The following PHF21A variants were observed in gnomAD, a reference collection of about 807,000 sequenced individuals.
PHF21A encodes the protein PHD finger protein 21A.
PHF21A carries 11 observed loss-of-function variants against 82.5 expected under a neutral mutation model. That is an observed-to-expected ratio of 0.13 (90% CI 0.08 to 0.22). The LOEUF (loss-of-function observed/expected upper bound fraction) is 0.22. Among genes scored for constraint, PHF21A ranks in the 10% least tolerant of loss-of-function variants. The pLI, the probability that PHF21A is intolerant of heterozygous loss-of-function variation, is 1.00. For missense variants in PHF21A, 579 were observed against 837.8 expected, an observed-to-expected ratio of 0.69 and a Z score of 3.81; for synonymous variants, 297 against 302.8, an observed-to-expected ratio of 0.98 and a Z score of 0.20.
At chr11:45,981,700 G>A (rs890260559) in intron 6 of PHF21A, among the ~76,000 whole-genome samples, 2 of 151,998 alleles carry the variant, frequency 1.3e-5, no homozygotes, top group African/African-American at 4.8e-5. Flanking sequence ...TGAATGAAGA[G>A]CTTTAAATAG....
chr11:45,996,247 T>C (rs896038209), intron 6 of PHF21A, among the ~76,000 whole-genome samples: 4 of 152,296 alleles, frequency 2.6e-5, no homozygotes, highest in Non-Finnish European at 5.9e-5. Context: ...TTCTAACCTT[T>C]GATAATGTGG....
chr11:45,963,517 A>T (rs2093247934), intron 10 of PHF21A, among the ~76,000 whole-genome samples: 1 of 152,138 alleles, frequency 6.6e-6, no homozygotes, highest in African/African-American at 2.4e-5. Context: ...TTATGATAAA[A>T]GTTTACTCTC....
At chr11:46,083,390 A>G (rs1474423841) in intron 4 of PHF21A, among the ~76,000 whole-genome samples, 1 of 152,252 alleles carries the variant, frequency 6.6e-6, no homozygotes, top group Non-Finnish European at 1.5e-5. Context: ...CAACGATTTC[A>G]AAAGTTAATG....
At chr11:46,015,125 T>A (rs2095491624) in intron 6 of PHF21A, among the ~76,000 whole-genome samples, 1 of 152,240 alleles carries the variant, frequency 6.6e-6, no homozygotes, top group African/African-American at 2.4e-5. Flanking sequence ...TTCATGTTTG[T>A]TGACTGCTTG....
intron 6 of PHF21A, among the ~76,000 whole-genome samples, chr11:45,989,729 T>G (rs917456981): frequency 4.6e-5 from 7 of 150,586 alleles, no homozygotes; most frequent in African/African-American, 1.7e-4. Context: ...CTGGGCACAG[T>G]GGCTCATGCC....
At chr11:45,968,157 AC>A (rs1399718064) in intron 9 of PHF21A, among the ~76,000 whole-genome samples, 4 of 152,230 alleles carry the variant, frequency 2.6e-5, no homozygotes, top group Admixed American at 1.3e-4. Flanking sequence ...ATTGGTTATT[AC>A]CATTATTGAC....
chr11:46,005,336 G>A (rs911123541), intron 6 of PHF21A, among the ~76,000 whole-genome samples: 2 of 152,100 alleles, frequency 1.3e-5, no homozygotes, highest in African/African-American at 4.8e-5. Context: ...TTATGCTTGG[G>A]ACCAGAAGTG....
intron 6 of PHF21A, among the ~76,000 whole-genome samples, chr11:45,989,712 A>T (rs1196741188): frequency 2.0e-5 from 3 of 149,830 alleles, no homozygotes; most frequent in Admixed American, 6.7e-5. Flanking sequence ...AAAAATAAAA[A>T]ATTTAGCTGG....
At chr11:45,964,967 T>C (rs1480810630) in intron 10 of PHF21A, among the ~76,000 whole-genome samples, 4 of 152,202 alleles carry the variant, frequency 2.6e-5, no homozygotes, top group Non-Finnish European at 5.9e-5. Flanking sequence ...TCTGGATTCT[T>C]ATTGGGCCGA....
intron 8 of PHF21A, 34 bp downstream of exon 8, chr11:45,971,082 T>C (rs984316197): frequency 6.2e-7 from 1 of 1,611,336 alleles, no homozygotes; most frequent in African/African-American, 1.3e-5. Flanking sequence ...AACCTTCTCA[T>C]GTGATCACAC....
At chr11:46,018,484 T>C (rs2095563473) in intron 6 of PHF21A, among the ~76,000 whole-genome samples, 1 of 152,168 alleles carries the variant, frequency 6.6e-6, no homozygotes, top group South Asian at 2.1e-4. Context: ...TCCTTAAAAC[T>C]GAAAGAAATT....
chr11:46,008,098 C>A (rs2095336699), intron 6 of PHF21A, among the ~76,000 whole-genome samples: 1 of 152,202 alleles, frequency 6.6e-6, no homozygotes, highest in Admixed American at 6.5e-5. Flanking sequence ...AAGTAACCTG[C>A]AAACTATCCC....
chr11:46,064,960 C>G (rs553969985), intron 6 of PHF21A, among the ~76,000 whole-genome samples: 1 of 152,254 alleles, frequency 6.6e-6, no homozygotes, highest in East Asian at 1.9e-4. Flanking sequence ...ATCCACAGAG[C>G]CAGTAACAAG....
chr11:46,018,976 T>C (rs571563282), intron 6 of PHF21A, among the ~76,000 whole-genome samples: 15 of 152,104 alleles, frequency 9.9e-5, no homozygotes, highest in Non-Finnish European at 1.9e-4. Context: ...ACACATCATG[T>C]AAGAAGCTAA....
At chr11:46,071,376 G>A (rs1455395429) in intron 6 of PHF21A, among the ~76,000 whole-genome samples, 2 of 152,300 alleles carry the variant, frequency 1.3e-5, no homozygotes, top group South Asian at 2.1e-4. Flanking sequence ...TGAAGCAGAG[G>A]TGCCTGGCCA....
intron 6 of PHF21A, among the ~76,000 whole-genome samples, chr11:46,018,312 G>C (rs2095559296): frequency 1.3e-5 from 2 of 150,972 alleles, no homozygotes; most frequent in South Asian, 4.2e-4. Context: ...GCATCAAAAT[G>C]TACCTCCCCA....
chr11:46,120,710 C>T lies in PHF21A; in HGVS notation c.-237+225G>A, dbSNP rs551579880. Among the ~76,000 whole-genome samples the T allele has an allele frequency of 5.8e-3, 877 of 151,910 alleles. 12 individuals are homozygous for T. The highest frequency in any genetic ancestry group is 0.02 in the African/African-American group (841 of 41,396). On this transcript the variant is annotated intron_variant, in intron 1 of 18. Transcript: ENST00000676320. ...GTCCTGACGAGAACACCCCCCTTTC[C>T]CTCCTCCCTCCCACACACCCCTCCC...
At chr11:46,093,098 A>G (rs967662672) in intron 1 of PHF21A, among the ~76,000 whole-genome samples, 1 of 152,306 alleles carries the variant, frequency 6.6e-6, no homozygotes, top group East Asian at 1.9e-4. Flanking sequence ...CACAAAAGCT[A>G]TTTGTTTCTA....
intron 6 of PHF21A, among the ~76,000 whole-genome samples, chr11:46,013,476 C>A (rs80048223): frequency 6.6e-6 from 1 of 152,068 alleles, no homozygotes; most frequent in African/African-American, 2.4e-5. Flanking sequence ...CTCAGCTGAC[C>A]GTGAGTAACT....
Sources: allele counts gnomAD v4.1 joint callset (sites outside exome capture counted in the v4.1 genomes callset), GRCh38; gene constraint gnomAD v4.1.1; transcripts MANE v1.5; gene names NCBI Gene and HGNC (gene_info 2026-07-23, HGNC 2026-07-21).